The following APP variants were observed in gnomAD, a reference collection of about 807,000 sequenced individuals.
APP encodes amyloid-beta precursor protein.
APP carries 31 observed loss-of-function variants against 101.4 expected under a neutral mutation model. The observed-to-expected ratio is 0.31, with a 90% CI of 0.23 to 0.41. The LOEUF (loss-of-function observed/expected upper bound fraction) is 0.41. Among genes scored for constraint, APP ranks in the 10% least tolerant of loss-of-function variants. The pLI, the probability that APP is intolerant of heterozygous loss-of-function variation, is 1.00. For missense variants in APP, 839 were observed against 1,003.7 expected (o/e 0.84, Z 2.22); for synonymous variants, 366 against 364.4 (o/e 1.00, Z -0.05).
intron 1 of APP, among the ~76,000 whole-genome samples, chr21:26,165,900 C>G (rs2063597429): frequency 6.6e-6 from 1 of 152,168 alleles, no homozygotes; most frequent in African/African-American, 2.4e-5. Context: ...TTAATTGATG[C>G]ACATATCCAG....
At chr21:26,002,545 A>T (rs1053553347) in intron 6 of APP, among the ~76,000 whole-genome samples, 9 of 152,236 alleles carry the variant, frequency 5.9e-5, no homozygotes, top group African/African-American at 2.2e-4. Flanking sequence ...AAGACACAAC[A>T]ATACCCATTA....
intron 1 of APP, among the ~76,000 whole-genome samples, chr21:26,137,047 G>GCCTCCACCTCCA (rs71329806): frequency 6.7e-6 from 1 of 149,828 alleles, no homozygotes; most frequent in Non-Finnish European, 1.5e-5. Context: ...AGATCCTCCC[G>GCCTCCACCTCCA]CCTCCACCTC....
intron 5 of APP, among the ~76,000 whole-genome samples, chr21:26,029,479 G>C (rs113710583): frequency 0.12 from 18,024 of 152,148 alleles, 1,728 homozygotes; most frequent in East Asian, 0.29. Context: ...TAGTGAGGCA[G>C]AGATTCCAGG....
intron 7 of APP, among the ~76,000 whole-genome samples, chr21:25,999,620 C>T (rs1014144149): frequency 1.6e-4 from 25 of 152,210 alleles, no homozygotes; most frequent in Admixed American, 5.2e-4. Flanking sequence ...AGTATCTGCA[C>T]AGGTAGTGCA....
intron 2 of APP, among the ~76,000 whole-genome samples, chr21:26,103,695 G>A (rs1053835821): frequency 2.0e-5 from 3 of 152,224 alleles, no homozygotes; most frequent in Admixed American, 6.5e-5. Context: ...AGCTCTCTCA[G>A]CATAAGCTGG....
At chr21:25,992,431 A>G (rs2042904762) in intron 8 of APP, among the ~76,000 whole-genome samples, 1 of 152,136 alleles carries the variant, frequency 6.6e-6, no homozygotes, top group Admixed American at 6.5e-5. Flanking sequence ...AGACTTTTGT[A>G]TAAGGTGTAC....
intron 11 of APP, 112 bp downstream of exon 11, chr21:25,974,958 G>A: frequency 6.8e-7 from 1 of 1,475,870 alleles, no homozygotes; most frequent in Non-Finnish European, 9.3e-7. Context: ...CTGAATAACA[G>A]TGCTCAAGGC....
At chr21:26,057,874 G>A (rs554262863) in intron 3 of APP, among the ~76,000 whole-genome samples, 215 of 152,286 alleles carry the variant, frequency 1.4e-3, no homozygotes, top group African/African-American at 4.7e-3. Flanking sequence ...AGACTGTGAA[G>A]TACTTTAATA....
chr21:25,993,453 C>T lies in APP; in HGVS notation c.1090+3907G>A, dbSNP rs1321082914. On this transcript the variant is annotated intron_variant, in intron 8 of 17. Coordinates refer to ENST00000346798, the MANE Select transcript of APP (RefSeq NM_000484.4). ...GCATAGGTGAACCAATGACTTCAAA[C>T]TAAGGGATTTGCTGGTTTCTCTTCT... Among the ~76,000 whole-genome samples the T allele has an allele frequency of 4.6e-5, 7 of 152,154 alleles. No individual in the cohort carries two copies. In the East Asian group the frequency reaches 1.2e-3, roughly 25 times the overall value.
intron 16 of APP, among the ~76,000 whole-genome samples, chr21:25,892,474 T>G (rs1408421685): frequency 6.6e-6 from 1 of 150,684 alleles, no homozygotes; most frequent in African/African-American, 2.4e-5. Flanking sequence ...TACCTACTTT[T>G]AGCTATAGTA....
chr21:25,954,907 CTT>C (rs2041248770), intron 12 of APP, among the ~76,000 whole-genome samples: 1 of 145,234 alleles, frequency 6.9e-6, no homozygotes, highest in Non-Finnish European at 1.5e-5. Context: ...CTTTATTTTT[CTT>C]GTTCTCCTAT....
intron 17 of APP, among the ~76,000 whole-genome samples, chr21:25,891,429 G>C (rs1162633660): frequency 6.6e-6 from 1 of 151,708 alleles, no homozygotes; most frequent in Admixed American, 6.6e-5. Context: ...AAGTCTAAGA[G>C]TAATCATGCT....
chr21:25,952,402 A>T (rs1569098640), intron 13 of APP, among the ~76,000 whole-genome samples: 1 of 151,964 alleles, frequency 6.6e-6, no homozygotes, highest in Non-Finnish European at 1.5e-5. Flanking sequence ...TTTTACAGAA[A>T]AAGATTCCAT....
At chr21:25,905,653 A>T (rs1286081529) in intron 14 of APP, among the ~76,000 whole-genome samples, 1 of 152,200 alleles carries the variant, frequency 6.6e-6, no homozygotes, top group Non-Finnish European at 1.5e-5. Flanking sequence ...TCTTTTTCTC[A>T]CTTTTTCAAA....
At chr21:26,103,255 G>T (rs1279058383) in intron 2 of APP, among the ~76,000 whole-genome samples, 1 of 152,112 alleles carries the variant, frequency 6.6e-6, no homozygotes, top group African/African-American at 2.4e-5. Context: ...CAAACTGAAG[G>T]CAAATCTGGA....
intron 13 of APP, among the ~76,000 whole-genome samples, chr21:25,937,189 G>C (rs2040398356): frequency 1.3e-5 from 2 of 152,104 alleles, no homozygotes; most frequent in South Asian, 4.1e-4. Flanking sequence ...CCAGCTCTGT[G>C]GTGTATTTAC....
Position 25,955,644 on chromosome 21 carries a change from C to A in APP, c.1570G>T (p.Ala524Ser), listed in dbSNP as rs199521746. 6.2e-6 allele frequency: 10 copies of A among 1,614,116 alleles called. No individual in the cohort carries two copies. The South Asian group carries it at 6.6e-5, about 11-fold the overall frequency. ...HVRMVDPKKA[A>S]QIRSQVMTHL... ...ACGCTTACCTGGGACCGGATCTGAG[C>A]GGCTTTCTTGGGATCCACCATGCGC... Residue 524 changes from alanine to serine, a missense_variant, in exon 12 of 18, where the codon GCT (alanine) becomes TCT (serine). Ala to Ser is a moderately conservative substitution (Grantham distance 99). Transcript: ENST00000346798.
intron 1 of APP, among the ~76,000 whole-genome samples, chr21:26,157,826 A>G (rs2063407049): frequency 6.6e-6 from 1 of 152,214 alleles, no homozygotes; most frequent in African/African-American, 2.4e-5. Flanking sequence ...GCAAGCATAA[A>G]CAGATTTGAA....
intron 11 of APP, among the ~76,000 whole-genome samples, chr21:25,972,174 G>A (rs968516982): frequency 1.3e-5 from 2 of 152,124 alleles, no homozygotes; most frequent in African/African-American, 2.4e-5. Context: ...ATGGGTGTTG[G>A]GGGTAGCCCA....
Sources: allele counts gnomAD v4.1 joint callset (sites outside exome capture counted in the v4.1 genomes callset), GRCh38; gene constraint gnomAD v4.1.1; transcripts MANE v1.5; gene names NCBI Gene and HGNC (gene_info 2026-07-23, HGNC 2026-07-21).